SEL1L3: variants seen among roughly 807,000 people sequenced by gnomAD.
The protein encoded by SEL1L3 is protein sel-1 homolog 3.
In SEL1L3, 76 loss-of-function variants were observed where a neutral mutation model predicts 142.8. The ratio of observed to expected loss-of-function variants is 0.53; its 90% confidence interval spans 0.44 to 0.64. The LOEUF (loss-of-function observed/expected upper bound fraction) is 0.64, where lower values mean the gene tolerates loss of function less well. SEL1L3 is among the 30% of genes least tolerant of loss of function. The probability of loss-of-function intolerance (pLI) is 0.00; values close to 1 mark genes in which losing one functional copy is unlikely to be tolerated. For missense variants in SEL1L3, 1,262 were observed against 1,381.7 expected, an observed-to-expected ratio of 0.91 and a Z score of 1.37; for synonymous variants, 504 against 519.6, an observed-to-expected ratio of 0.97 and a Z score of 0.41.
At chr4:25,786,501 G>A (rs181124956) in intron 13 of SEL1L3, among the ~76,000 whole-genome samples, 1 of 152,346 alleles carries the variant, frequency 6.6e-6, no homozygotes, top group African/African-American at 2.4e-5. Context: ...GCCTCTCCCT[G>A]TAGGTTGTGA....
the SEL1L3 span, among the ~76,000 whole-genome samples, chr4:25,739,236 C>CA: frequency 2.0e-5 from 3 of 151,454 alleles, no homozygotes; most frequent in Non-Finnish European, 4.4e-5. Flanking sequence ...ACAACAACAA[C>CA]AAAAAAACAA....
intron 6 of SEL1L3, among the ~76,000 whole-genome samples, chr4:25,822,807 A>G (rs1317778157): frequency 6.6e-6 from 1 of 152,230 alleles, no homozygotes; most frequent in Non-Finnish European, 1.5e-5. Context: ...TATAGAATGC[A>G]TGAAGGTGTT....
rs1170670295 is a variant in SEL1L3 at position 25,826,671 on chromosome 4, T to G, written c.1157+3427A>C. ...GAGTACGGCTAGCTTTTTTGGTTTG[T>G]TTTGTTTTTTGTTTTGTTTTGTTGT... On this transcript the variant is annotated intron_variant, in intron 6 of 23. Coordinates refer to ENST00000399878, the MANE Select transcript of SEL1L3 (RefSeq NM_015187.5). Among the ~76,000 whole-genome samples the G allele has an allele frequency of 7.2e-5, 11 of 152,070 alleles. No homozygotes were observed. The East Asian group carries it at 1.9e-3, about 27-fold the overall frequency.
At chr4:25,733,582 G>A in the SEL1L3 span, among the ~76,000 whole-genome samples, 24 of 145,754 alleles carry the variant, frequency 1.6e-4, no homozygotes, top group Non-Finnish European at 2.8e-4. Context: ...GTGCAGTGGC[G>A]CAATCTCGGC....
the SEL1L3 span, among the ~76,000 whole-genome samples, chr4:25,724,604 T>G: frequency 6.6e-6 from 1 of 150,674 alleles, no homozygotes; most frequent in Non-Finnish European, 1.5e-5. Context: ...CTGGGTGTGG[T>G]GGTGGGCACC....
At chr4:25,816,014 TA>T (rs1045125286) in intron 9 of SEL1L3, among the ~76,000 whole-genome samples, 31 of 150,316 alleles carry the variant, frequency 2.1e-4, no homozygotes, top group African/African-American at 7.6e-4. Context: ...ATGTAGGGCT[TA>T]CCATGTGCTG....
Position 25,767,924 on chromosome 4 carries a change from A to C in SEL1L3, c.2670-94T>G, listed in dbSNP as rs192337229. 433 of 782,034 alleles carry C rather than the reference A, an allele frequency of 5.5e-4. 1 individual carries two copies. The highest frequency in any genetic ancestry group is 8.0e-5 in the Non-Finnish European group (39 of 488,570). The allele number at this position is 782,034 out of a possible 1,614,324, so 48.4% of individuals were successfully genotyped here. A position where few individuals can be genotyped will look rare whatever the true frequency, so the allele number is the denominator to read the frequency against. ...TTCAAACATAAGAGGGCACAAAATAAGCAGTTTTTTTAAAAAAACCACAAA... is the reference window on the plus strand; with the variant it reads ...TTCAAACATAAGAGGGCACAAAATACGCAGTTTTTTTAAAAAAACCACAAA... On this transcript the variant is annotated intron_variant, in intron 17 of 23. Transcript: ENST00000399878.
At position 25,783,798 on chromosome 4, in the gene SEL1L3, T is replaced by C. The variant is rs1048602385; in HGVS notation, c.2280+430A>G. 3.9e-5 allele frequency among the ~76,000 whole-genome samples: 6 copies of C among 152,178 alleles called. No homozygotes were observed. The East Asian group carries it at 7.7e-4, about 20-fold the overall frequency. ...ATAAACTTAATAAACAGCCCTGTTA[T>C]CAATGCACAGGAAACAAATGGGAAA... On this transcript the variant is annotated intron_variant, in intron 14 of 23. Coordinates refer to ENST00000399878, the MANE Select transcript of SEL1L3 (RefSeq NM_015187.5).
the SEL1L3 span, among the ~76,000 whole-genome samples, chr4:25,730,197 G>A: frequency 1.3e-5 from 2 of 152,108 alleles, no homozygotes; most frequent in African/African-American, 2.4e-5. Flanking sequence ...GCCTCCCAAA[G>A]TGCTGGGTGA....
chr4:25,769,156 T>C (rs1287232651), intron 17 of SEL1L3, among the ~76,000 whole-genome samples: 2 of 152,210 alleles, frequency 1.3e-5, no homozygotes, highest in Non-Finnish European at 2.9e-5. Flanking sequence ...ACCTAGGAAC[T>C]GGTTTAGGAA....
chr4:25,862,759 C>T lies in SEL1L3; in HGVS notation c.78G>A (p.Arg26=). 8.3e-7 allele frequency: 1 copy of T among 1,210,542 alleles called. No individual in the cohort carries two copies. Among genetic ancestry groups the T allele is most frequent in the Non-Finnish European group, 1.0e-6 (1 of 975,348 alleles). The allele number at this position is 1,210,542 out of a possible 1,614,324, so 75.0% of individuals were successfully genotyped here. ...CGCCACTCGGGACCATGGCTGCGGC[C>T]CGGGGGCCGACCGCGAGCGGCGGGG... ...QQPPPLAVGP[R]AAAMVPSGGV... is the part of the protein sequence containing the mutation. The change falls in exon 1 of 24, where the codon CGG becomes CGA. Residue 26 remains arginine (R), a synonymous_variant. Coordinates refer to ENST00000399878, the MANE Select transcript of SEL1L3 (RefSeq NM_015187.5).
At position 25,847,369 on chromosome 4, in the gene SEL1L3, C is replaced by G; in HGVS notation, c.658G>C (p.Val220Leu). ...TAACCCATGTTCCACTCAAGGCACA[C>G]TTGATGATCTTTGAAAGGGCGTTCA... ...PFERPFKDHQ[V>L]CLEWNMGYIW... is the part of the protein sequence containing the mutation. Residue 220 changes from valine (V) to leucine (L), a missense_variant, in exon 2 of 24, where the codon GTG (valine) becomes CTG (leucine). Val to Leu is a conservative substitution (Grantham distance 32). Transcript: ENST00000399878. 6.2e-7 allele frequency: 1 copy of G among 1,614,010 alleles called. No individual in the cohort carries two copies. The highest frequency in any genetic ancestry group is 8.5e-7 in the Non-Finnish European group (1 of 1,179,886).
At chr4:25,770,575 G>A (rs6858300) in intron 17 of SEL1L3, 62,131 of 151,410 alleles carry the variant, frequency 0.41, 14,205 homozygotes, top group African/African-American at 0.61. Context: ...CCCTGTCTCT[G>A]CTAAAAATAT....
At chr4:25,863,164 C>G (rs1717867784), upstream of SEL1L3, among the ~76,000 whole-genome samples, 1 of 140,082 alleles carries the variant, frequency 7.1e-6, no homozygotes, top group Non-Finnish European at 1.6e-5. Context: ...AGGTGGGCAC[C>G]GACCCGGGTC....
intron 1 of SEL1L3, among the ~76,000 whole-genome samples, chr4:25,860,225 T>C (rs933976638): frequency 6.6e-6 from 1 of 152,196 alleles, no homozygotes; most frequent in Non-Finnish European, 1.5e-5. Flanking sequence ...ATGTAAGCTA[T>C]CGTTATTACC....
At chr4:25,745,380 G>A (rs1048793134), downstream of SEL1L3, among the ~76,000 whole-genome samples, 18 of 150,386 alleles carry the variant, frequency 1.2e-4, no homozygotes, top group African/African-American at 4.2e-4. Flanking sequence ...GGGTGACAGA[G>A]CGAGACTCAG....
intron 2 of SEL1L3, 35 bp downstream of exon 2, chr4:25,847,259 T>C: frequency 6.5e-7 from 1 of 1,535,362 alleles, no homozygotes; most frequent in Non-Finnish European, 8.8e-7. Flanking sequence ...TCTGAAAAAA[T>C]GAGAATTAGG....
Position 25,748,259 on chromosome 4 carries a change from T to C in SEL1L3, c.*166A>G. The C allele has an allele frequency of 1.6e-6, 1 of 634,408 alleles. No homozygotes were observed. The highest frequency in any genetic ancestry group is 3.4e-4 in the Middle Eastern group (1 of 2,968). The allele number at this position is 634,408 out of a possible 1,614,324, so 39.3% of individuals were successfully genotyped here. A position where few individuals can be genotyped will look rare whatever the true frequency, so the allele number is the denominator to read the frequency against. ...TGGTATTACCACTGCCTGATCTGGG[T>C]ACTTCCTTGTAATTTGACTTTAAAA... is the stretch of plus-strand genomic sequence containing the variant. On this transcript the variant is annotated 3_prime_UTR_variant, in exon 24 of 24. Coordinates refer to ENST00000399878, the MANE Select transcript of SEL1L3 (RefSeq NM_015187.5).
chr4:25,847,688 C>T lies in SEL1L3; in HGVS notation c.339G>A (p.Leu113=). ...TGAACTCAGATGAAACAACTGCTTC[C>T]AAATTGACAACACAAGGCTGAGAGC... ...YLCSQPCVVN[L]EAVVSSEFRS... is the part of the protein sequence containing the mutation. Residue 113 remains leucine (L), a synonymous_variant, in exon 2 of 24, where the codon TTG becomes TTA. Coordinates refer to ENST00000399878, the MANE Select transcript of SEL1L3 (RefSeq NM_015187.5). 6.2e-7 allele frequency: 1 copy of T among 1,613,842 alleles called. No individual in the cohort carries two copies. The highest frequency in any genetic ancestry group is 8.5e-7 in the Non-Finnish European group (1 of 1,179,844).
Sources: allele counts gnomAD v4.1 joint callset (sites outside exome capture counted in the v4.1 genomes callset), GRCh38; gene constraint gnomAD v4.1.1; transcripts MANE v1.5; gene names NCBI Gene and HGNC (gene_info 2026-07-23, HGNC 2026-07-21).